Variants in ABCA8 observed in about 807,000 individuals in gnomAD.
The protein encoded by ABCA8 is ABC-type organic anion transporter ABCA8.
ABCA8 carries 177 observed loss-of-function variants against 192.3 expected under a neutral mutation model. That is an observed-to-expected ratio of 0.92 (90% confidence interval 0.81 to 1.04). The LOEUF is 1.04. Ranked by LOEUF, ABCA8 falls within the 50% of genes least tolerant of loss-of-function variation. ABCA8 has a pLI of 0.00. For synonymous variants in ABCA8, 642 were observed against 690.2 expected (o/e 0.93, Z 1.09); for missense variants, 1,915 against 1,904.8 (o/e 1.01, Z -0.10).
intron 2 of ABCA8, among the ~76,000 whole-genome samples, chr17:68,943,364 G>T (rs2068288584): frequency 6.6e-6 from 1 of 152,090 alleles, no homozygotes; most frequent in Non-Finnish European, 1.5e-5. Flanking sequence ...CCGTGTATGT[G>T]TATAGATATA....
In ABCA8 at chr17:68,940,882, C is replaced by A. The variant is rs775828203; in HGVS notation, c.177G>T (p.Leu59=). 3.1e-6 allele frequency: 5 copies of A among 1,612,714 alleles called. No individual in the cohort carries two copies. The African/African-American group carries it at 5.4e-5, about 17-fold the overall frequency. Residue 59 remains leucine (L), a synonymous_variant, in exon 4 of 40, where the codon CTG becomes CTT. Coordinates refer to ENST00000586539, the MANE Select transcript of ABCA8 (RefSeq NM_001288985.2). ...CTACCCGTCCCAGGTCCATGGTAAG[C>A]AGTGAAGAAAAATCATTTACTTGAT... The part of the protein sequence containing the change: ...HSHQVNDFSS[L]LTMDLGRVDT...
At chr17:68,888,205 G>C (rs1217976699) in intron 24 of ABCA8, among the ~76,000 whole-genome samples, 1 of 150,946 alleles carries the variant, frequency 6.6e-6, no homozygotes, top group Non-Finnish European at 1.5e-5. Context: ...ATATTTATGT[G>C]TATCTACATA....
chr17:68,932,320 C>A lies in ABCA8; in HGVS notation c.765G>T (p.Met255Ile). The change falls in exon 7 of 40, where the codon ATG becomes ATT. Residue 255 changes from methionine (M) to isoleucine (I), a missense_variant. Physicochemically the swap from Met to Ile is conservative, Grantham distance 10. Coordinates refer to ENST00000586539, the MANE Select transcript of ABCA8 (RefSeq NM_001288985.2). ...CTGAATCCCGAAGACCCATCATTGTCATCAAGGCCTTCATCCTTTTCCTCT... is the reference window on the plus strand; with the variant it reads ...CTGAATCCCGAAGACCCATCATTGTAATCAAGGCCTTCATCCTTTTCCTCT... ...TRERKRMKALMTMMGLRDSAF... is the reference protein window; with the variant it reads ...TRERKRMKALITMMGLRDSAF... The A allele has an allele frequency of 6.2e-7, 1 of 1,613,922 alleles. No individual in the cohort carries two copies. Among genetic ancestry groups the A allele is most frequent in the South Asian group, 1.1e-5 (1 of 91,060 alleles).
intron 24 of ABCA8, among the ~76,000 whole-genome samples, chr17:68,889,725 C>A (rs1243192481): frequency 6.6e-6 from 1 of 152,064 alleles, no homozygotes; most frequent in Non-Finnish European, 1.5e-5. Context: ...CCCCCCACAC[C>A]CCGAGCCTGC....
chr17:68,883,961 A>C (rs973574143), intron 28 of ABCA8, 79 bp from the exon 29 acceptor site: 27 of 888,240 alleles, frequency 3.0e-5, no homozygotes, highest in Non-Finnish European at 4.6e-5. Context: ...ATAATAACCG[A>C]ACTTCTAAAA....
chr17:68,936,939 C>T lies in ABCA8; in HGVS notation c.466+12G>A. The T allele has an allele frequency of 6.4e-7, 1 of 1,551,414 alleles. No homozygotes were observed. Among genetic ancestry groups the T allele is most frequent in the South Asian group, 1.2e-5 (1 of 80,548 alleles). ...AATAGAGAGTAGTGAAATTTTAGAG[C>T]CATAAAATTACCTGTATGGTCCTTG... On this transcript the variant is annotated intron_variant, in intron 5 of 39. Transcript: ENST00000586539.
intron 21 of ABCA8, among the ~76,000 whole-genome samples, chr17:68,902,184 A>G (rs966910564): frequency 1.4e-4 from 21 of 152,370 alleles, no homozygotes; most frequent in African/African-American, 4.1e-4. Context: ...GAAAGAAGTC[A>G]GTCACCAAAT....
chr17:68,923,870 C>A (rs2067615433), intron 11 of ABCA8, among the ~76,000 whole-genome samples: 1 of 152,042 alleles, frequency 6.6e-6, no homozygotes, highest in Non-Finnish European at 1.5e-5. Flanking sequence ...TTTCTCATAT[C>A]TAGAAATAAA....
intron 1 of ABCA8, among the ~76,000 whole-genome samples, chr17:68,952,278 G>A (rs2068587375): frequency 6.6e-6 from 1 of 152,086 alleles, no homozygotes; most frequent in Non-Finnish European, 1.5e-5. Context: ...GAGTGCAGTG[G>A]TGCGATCTCG....
At chr17:68,951,237 T>C (rs2068559518) in intron 1 of ABCA8, among the ~76,000 whole-genome samples, 1 of 152,254 alleles carries the variant, frequency 6.6e-6, no homozygotes, top group Non-Finnish European at 1.5e-5. Flanking sequence ...ATATGTTACT[T>C]AGGATTACCT....
chr17:68,878,983 A>G (rs2066272209), intron 32 of ABCA8: 1 of 152,162 alleles, frequency 6.6e-6, no homozygotes, highest in Non-Finnish European at 1.5e-5. Flanking sequence ...CTTCCCTTGG[A>G]CATTCTTTGT....
At chr17:68,951,654 G>T (rs1242655362) in intron 1 of ABCA8, among the ~76,000 whole-genome samples, 3 of 152,050 alleles carry the variant, frequency 2.0e-5, no homozygotes, top group Admixed American at 6.6e-5. Flanking sequence ...TAGGTAGCTA[G>T]GTGCATAAAA....
In ABCA8 at chr17:68,921,472, C is replaced by T. The variant is rs202079991; in HGVS notation, c.1522G>A (p.Glu508Lys). The T allele has an allele frequency of 1.1e-5, 17 of 1,593,460 alleles. No homozygotes were observed. The Admixed American group carries it at 1.8e-4, about 17-fold the overall frequency. ...ALKDLVFDIY[E>K]GQITAILGHS... is the part of the protein sequence containing the mutation. Reference sequence around the variant, plus strand: ...CCAAGTATTGCAGTGATTTGGCCTTCGTAAATGTCAAATACCAGATCTAGG... The same window carrying T: ...CCAAGTATTGCAGTGATTTGGCCTTTGTAAATGTCAAATACCAGATCTAGG... The change falls in exon 13 of 40, where the codon GAA becomes AAA. Residue 508 changes from glutamate (E) to lysine (K), a missense_variant. Physicochemically the swap from Glu to Lys is moderately conservative, Grantham distance 56. Coordinates refer to ENST00000586539, the MANE Select transcript of ABCA8 (RefSeq NM_001288985.2).
chr17:68,918,208 AGGC>A, intron 15 of ABCA8, 23 bp from the exon 16 acceptor site: 1 of 1,612,604 alleles, frequency 6.2e-7, no homozygotes. Flanking sequence ...AAAGTATATA[AGGC>A]GGTTTTCCTC....
At position 68,894,189 on chromosome 17, in the gene ABCA8, C is replaced by T. The variant is rs758123773; in HGVS notation, c.3020G>A (p.Arg1007Lys). The T allele has an allele frequency of 5.0e-6, 8 of 1,613,286 alleles. No individual in the cohort carries two copies. The South Asian group carries it at 8.8e-5, about 18-fold the overall frequency. ...VKPSVHIRTERSTFLENGQDN... is the reference protein window; with the variant it reads ...VKPSVHIRTEKSTFLENGQDN... Reference sequence around the variant, plus strand: ...TATATTTACCTCCAAAAATGTACTTCTTTCAGTTCGGATATGTACTGATGG... The same window carrying T: ...TATATTTACCTCCAAAAATGTACTTTTTTCAGTTCGGATATGTACTGATGG... The change falls in exon 23 of 40, where the codon AGA becomes AAA. Residue 1007 changes from arginine to lysine, a missense_variant. Arg to Lys is a conservative substitution (Grantham distance 26). Transcript: ENST00000586539.
intron 6 of ABCA8, 53 bp from the exon 7 acceptor site, chr17:68,932,567 T>A: frequency 7.6e-7 from 1 of 1,311,786 alleles, no homozygotes; most frequent in Non-Finnish European, 1.1e-6. Flanking sequence ...CAGCATGCAG[T>A]TTTCTTTTAA....
intron 38 of ABCA8, 70 bp downstream of exon 38, chr17:68,869,630 T>C: frequency 9.1e-7 from 1 of 1,093,814 alleles, no homozygotes; most frequent in Non-Finnish European, 1.4e-6. Context: ...ATTTTTGTCA[T>C]AAAGGTGATT....
At chr17:68,946,032 A>C (rs2068395058) in intron 2 of ABCA8, among the ~76,000 whole-genome samples, 1 of 151,056 alleles carries the variant, frequency 6.6e-6, no homozygotes, top group Admixed American at 6.6e-5. Context: ...TGTGACAGAA[A>C]CTGCTAGCTT....
At chr17:68,933,058 A>G (rs1454394743) in intron 6 of ABCA8, 110 bp downstream of exon 6, 2 of 774,918 alleles carry the variant, frequency 2.6e-6, no homozygotes, top group South Asian at 1.6e-5. Flanking sequence ...AGAGTGAGCA[A>G]AGGAAATAAC....
Sources: allele counts gnomAD v4.1 joint callset (sites outside exome capture counted in the v4.1 genomes callset), GRCh38; gene constraint gnomAD v4.1.1; transcripts MANE v1.5; gene names NCBI Gene and HGNC (gene_info 2026-07-23, HGNC 2026-07-21).